Variants in ARPC5L observed in about 807,000 individuals in gnomAD.
ARPC5L encodes the protein actin-related protein 2/3 complex subunit 5-like protein.
ARPC5L carries 4 observed loss-of-function variants against 16.9 expected under a neutral mutation model. That is an observed-to-expected ratio of 0.24 (90% CI 0.12 to 0.54). The LOEUF is 0.54. Among genes scored for constraint, ARPC5L ranks in the 20% least tolerant of loss-of-function variants. The pLI is 0.95. For missense variants in ARPC5L, 151 were observed against 201.9 expected (o/e 0.75, Z 1.53); for synonymous variants, 78 against 82.6 (o/e 0.94, Z 0.30).
intron 5 of ARPC5L, 64 bp from the exon 6 acceptor site, chr9:124,876,814 C>A: frequency 1.4e-6 from 2 of 1,397,112 alleles, no homozygotes; most frequent in South Asian, 1.2e-5. Flanking sequence ...CTGTCTCTGG[C>A]AAGCCAGGCT....
intron 1 of ARPC5L, among the ~76,000 whole-genome samples, chr9:124,862,810 G>C (rs1009396665): frequency 2.0e-5 from 3 of 151,602 alleles, no homozygotes; most frequent in African/African-American, 2.4e-5. Flanking sequence ...ACAGGCGTGA[G>C]CCACCACGCC....
rs1588042453 is a variant in ARPC5L at position 124,869,382 on chromosome 9, C to A, written c.92C>A (p.Ala31Glu). ...TTTGTGGACGAGCAGGAGGAGGCGG[C>A]GGCGGCGGCGGCGGAGCCAGGCCCG... is the stretch of plus-strand genomic sequence containing the variant. ...NKFVDEQEEA[A>E]AAAAEPGPDP... Residue 31 changes from alanine to glutamate, a missense_variant, in exon 3 of 6, where the codon GCG becomes GAG. By Grantham distance (107) the Ala-to-Glu change is moderately radical (BLOSUM62 -1). Coordinates refer to ENST00000353214, the MANE Select transcript of ARPC5L (RefSeq NM_030978.3). 3 of 1,512,296 alleles carry A rather than the reference C, an allele frequency of 2.0e-6. No homozygotes were observed. The highest frequency in any genetic ancestry group is 1.2e-5 in the South Asian group (1 of 81,168). The allele number at this position is 1,512,296 out of a possible 1,614,324, so 93.7% of individuals were successfully genotyped here. A position where few individuals can be genotyped will look rare whatever the true frequency, so the allele number is the denominator to read the frequency against.
intron 3 of ARPC5L, among the ~76,000 whole-genome samples, chr9:124,871,538 A>G (rs1472723587): frequency 2.0e-5 from 3 of 152,160 alleles, no homozygotes; most frequent in African/African-American, 7.2e-5. Context: ...TTGCGCAGGT[A>G]ATTTCTGTTC....
chr9:124,863,687 C>A (rs534000393), intron 1 of ARPC5L, among the ~76,000 whole-genome samples: 1 of 152,308 alleles, frequency 6.6e-6, no homozygotes, highest in South Asian at 2.1e-4. Context: ...AGGAACACTT[C>A]AGTAGAGCCC....
At chr9:124,867,142 T>G in intron 2 of ARPC5L, among the ~76,000 whole-genome samples, 1 of 126,598 alleles carries the variant, frequency 7.9e-6, no homozygotes, top group Non-Finnish European at 1.6e-5. Flanking sequence ...CAGGGACACC[T>G]TTTTTTTTTT....
chr9:124,873,557 C>A (rs375293706), intron 3 of ARPC5L, 135 bp from the exon 4 acceptor site: 5 of 975,112 alleles, frequency 5.1e-6, no homozygotes, highest in Admixed American at 4.0e-5. Flanking sequence ...TCTCTGCCCC[C>A]CTGGAAGCCG....
Position 124,862,163 on chromosome 9 carries a change from A to C in ARPC5L, c.-1219A>C, listed in dbSNP as rs1424227438. On this transcript the variant is annotated 5_prime_UTR_variant, in exon 1 of 6. Coordinates refer to ENST00000353214, the MANE Select transcript of ARPC5L (RefSeq NM_030978.3). Reference sequence around the variant, plus strand: ...CACCCCTGATAGCGAGGTCGGCGTCACGGTGTAGGCGCGCAGTTGGGGAAA... The same window carrying C: ...CACCCCTGATAGCGAGGTCGGCGTCCCGGTGTAGGCGCGCAGTTGGGGAAA... 2.1e-6 allele frequency: 1 copy of C among 468,084 alleles called. No homozygotes were observed. The highest frequency in any genetic ancestry group is 3.5e-5 in the East Asian group (1 of 28,710). The allele number at this position is 468,084 out of a possible 1,614,324, so 29.0% of individuals were successfully genotyped here. A position where few individuals can be genotyped will look rare whatever the true frequency, so the allele number is the denominator to read the frequency against.
chr9:124,870,724 A>C (rs1829344726), intron 3 of ARPC5L, among the ~76,000 whole-genome samples: 1 of 152,156 alleles, frequency 6.6e-6, no homozygotes, highest in Non-Finnish European at 1.5e-5. Flanking sequence ...TAGTTCATGG[A>C]CAGTCAGTGC....
intron 4 of ARPC5L, among the ~76,000 whole-genome samples, chr9:124,874,479 G>A (rs1410761402): frequency 2.6e-5 from 4 of 152,182 alleles, no homozygotes; most frequent in Non-Finnish European, 5.9e-5. Flanking sequence ...GATCGCTTGA[G>A]CTCAGGAGTT....
chr9:124,870,411 C>G (rs531344362), intron 3 of ARPC5L, among the ~76,000 whole-genome samples: 1 of 152,138 alleles, frequency 6.6e-6, no homozygotes, highest in Non-Finnish European at 1.5e-5. Context: ...CCCCTCCCCC[C>G]GCACGGGTGG....
intron 2 of ARPC5L, among the ~76,000 whole-genome samples, chr9:124,865,544 C>G (rs1385685613): frequency 6.6e-6 from 1 of 152,092 alleles, no homozygotes; most frequent in African/African-American, 2.4e-5. Context: ...AATCCTAGCA[C>G]TTTGGGAGGC....
chr9:124,875,859 AAG>A (rs1390122725), intron 5 of ARPC5L, among the ~76,000 whole-genome samples: 6 of 152,120 alleles, frequency 3.9e-5, no homozygotes, highest in Non-Finnish European at 7.4e-5. Context: ...GTTGAGTTGG[AAG>A]AGAGGGGTTT....
intron 3 of ARPC5L, among the ~76,000 whole-genome samples, chr9:124,871,012 C>T (rs1490246094): frequency 1.3e-5 from 2 of 152,204 alleles, no homozygotes; most frequent in South Asian, 2.1e-4. Flanking sequence ...GGGAGGTTAA[C>T]GGATAAAGGT....
chr9:124,875,213 A>G, intron 5 of ARPC5L, 62 bp downstream of exon 5: 1 of 1,564,194 alleles, frequency 6.4e-7, no homozygotes, highest in Non-Finnish European at 8.7e-7. Flanking sequence ...TTCGATCAGC[A>G]GGCCAGATTT....
chr9:124,877,354 A>C lies in ARPC5L; in HGVS notation c.*414A>C, dbSNP rs1381458715. 3.4e-5 allele frequency: 6 copies of C among 177,288 alleles called. No individual in the cohort carries two copies. Among genetic ancestry groups the C allele is most frequent in the African/African-American group, 4.8e-5 (2 of 41,774 alleles). 11.0% of individuals were successfully genotyped at this position (177,288 alleles called of 1,614,324 possible). On this transcript the variant is annotated 3_prime_UTR_variant, in exon 6 of 6. Coordinates refer to ENST00000353214, the MANE Select transcript of ARPC5L (RefSeq NM_030978.3). ...TCCTGTCTTCCCAGAGAAGGTGGAC[A>C]CTCTTGGGCTCATTGTAAAGTGCCT... is the stretch of plus-strand genomic sequence containing the variant.
At position 124,869,114 on chromosome 9, in the gene ARPC5L, G is replaced by T. The variant is rs1017026853; in HGVS notation, c.-177G>T. 3.5e-5 allele frequency: 25 copies of T among 723,008 alleles called. No individual in the cohort carries two copies. Among genetic ancestry groups the T allele is most frequent in the Non-Finnish European group, 4.6e-5 (24 of 518,032 alleles). 44.8% of individuals were successfully genotyped at this position (723,008 alleles called of 1,614,324 possible). On this transcript the variant is annotated 5_prime_UTR_variant, in exon 3 of 6. Coordinates refer to ENST00000353214, the MANE Select transcript of ARPC5L (RefSeq NM_030978.3). ...CGCCCCGCCCCTGACGGCGCTTCCG[G>T]ATCCGGCGGGTGCCGGAAGTGGGCG...
chr9:124,877,693 AT>A lies in ARPC5L; in HGVS notation c.*756del. The A allele has an allele frequency of 6.6e-6, 1 of 151,486 alleles. No homozygotes were observed. The allele number at this position is 151,486 out of a possible 1,614,324, so 9.4% of individuals were successfully genotyped here. ...TTGTATGTAATTAATTTTGGAGCTTATTTAATTAATTTAATAAAGTGCCAAA... is the reference window on the plus strand; with the variant it reads ...TTGTATGTAATTAATTTTGGAGCTTATTAATTAATTTAATAAAGTGCCAAA... On this transcript the variant is annotated 3_prime_UTR_variant, in exon 6 of 6. Transcript: ENST00000353214.
chr9:124,867,808 C>CTTTTTTTTTTTTTT (rs57343594), intron 2 of ARPC5L, among the ~76,000 whole-genome samples: 1 of 98,786 alleles, frequency 1.0e-5, no homozygotes, highest in Non-Finnish European at 2.2e-5. Flanking sequence ...CTTTTCTTTT[C>CTTTTTTTTTTTTTT]TTTTTTTTTT....
At chr9:124,872,218 G>A (rs1400250532) in intron 3 of ARPC5L, among the ~76,000 whole-genome samples, 1 of 152,130 alleles carries the variant, frequency 6.6e-6, no homozygotes, top group African/African-American at 2.4e-5. Context: ...GTTGTGCCAG[G>A]TTTACATGAA....
Sources: allele counts gnomAD v4.1 joint callset (sites outside exome capture counted in the v4.1 genomes callset), GRCh38; gene constraint gnomAD v4.1.1; transcripts MANE v1.5; gene names NCBI Gene and HGNC (gene_info 2026-07-23, HGNC 2026-07-21).